Variants in NUP210 observed in about 807,000 individuals in gnomAD.
NUP210 encodes nucleoporin 210, also known as nuclear pore membrane glycoprotein 210.
Under a neutral mutation model 196.0 loss-of-function variants are expected in NUP210, and 151 were observed. The observed-to-expected ratio is 0.77, with a 90% CI of 0.67 to 0.88. The LOEUF (loss-of-function observed/expected upper bound fraction) is 0.88. NUP210 is among the 40% of genes least tolerant of loss of function. NUP210 has a pLI of 0.00. For synonymous variants in NUP210, 1,070 were observed against 1,052.7 expected, an observed-to-expected ratio of 1.02 and a Z score of -0.32; for missense variants, 2,314 against 2,493.7, an observed-to-expected ratio of 0.93 and a Z score of 1.53.
chr3:13,387,897 G>C (rs1175119967), intron 5 of NUP210, among the ~76,000 whole-genome samples: 1 of 152,044 alleles, frequency 6.6e-6, no homozygotes, highest in Non-Finnish European at 1.5e-5. Flanking sequence ...GGCTCCAATG[G>C]GGGCCCAAGG....
intron 6 of NUP210, among the ~76,000 whole-genome samples, chr3:13,380,227 T>A (rs1343412957): frequency 1.3e-5 from 2 of 152,178 alleles, no homozygotes; most frequent in Non-Finnish European, 2.9e-5. Flanking sequence ...AAAAATAACT[T>A]GCCCAACGTG....
chr3:13,409,403 A>G (rs901726771), intron 1 of NUP210, among the ~76,000 whole-genome samples: 2 of 152,188 alleles, frequency 1.3e-5, no homozygotes, highest in Non-Finnish European at 2.9e-5. Flanking sequence ...TCCCACCATG[A>G]GAGGATGTCA....
At chr3:13,322,416 C>T in intron 34 of NUP210, 77 bp from the exon 35 acceptor site, 1 of 1,525,816 alleles carries the variant, frequency 6.6e-7, no homozygotes, top group Admixed American at 1.9e-5. Flanking sequence ...CCTGCACAGG[C>T]TGGCTGGGCT....
rs1396083184 is a variant in NUP210 at position 13,353,984 on chromosome 3, T to C, written c.2452A>G (p.Ser818Gly). The change falls in exon 17 of 40, where the codon AGC becomes GGC. Residue 818 changes from serine to glycine, a missense_variant. By Grantham distance (56) the Ser-to-Gly change is moderately conservative. Transcript: ENST00000254508. ...QWESTRPVLA[S>G]IEPELPMQLV... ...TGCATGGGCAGCTCAGGCTCGATGC[T>C]GGCCAACACTGGCCTGGTGGACTCC... The C allele has an allele frequency of 6.2e-7, 1 of 1,609,654 alleles. No homozygotes were observed.
intron 1 of NUP210, among the ~76,000 whole-genome samples, chr3:13,409,745 C>A (rs1218608804): frequency 1.3e-5 from 2 of 151,954 alleles, no homozygotes; most frequent in Non-Finnish European, 2.9e-5. Context: ...CACAGGCCTC[C>A]CACCTTTACC....
chr3:13,358,227 G>A lies in NUP210; in HGVS notation c.2323C>T (p.Gln775Ter). 6.2e-7 allele frequency: 1 copy of A among 1,606,156 alleles called. No individual in the cohort carries two copies. The highest frequency in any genetic ancestry group is 1.9e-4 in the Middle Eastern group (1 of 5,326). ...CGAGCATAGCCCACACTCACCACCT[G>A]CTTGTTCTGCTGCAGCAGCGGACAG... ...MSCPLLQQNK[Q>*]VVPVSSHRNP... is the part of the protein sequence containing the mutation. Residue 775 changes from glutamine (Q) to a stop codon, truncating the protein, a stop_gained, in exon 16 of 40, where the codon CAG becomes TAG. Coordinates refer to ENST00000254508, the MANE Select transcript of NUP210 (RefSeq NM_024923.4). LOFTEE classifies it high-confidence loss of function.
At position 13,375,659 on chromosome 3, in the gene NUP210, G is replaced by A. The variant is rs1256091424; in HGVS notation, c.1294-18C>T. ...CCTCCATCCTACAAGGGGTGAGGGTGCCACACGTAACCATGACAACCATGT... is the reference window on the plus strand; with the variant it reads ...CCTCCATCCTACAAGGGGTGAGGGTACCACACGTAACCATGACAACCATGT... On this transcript the variant is annotated intron_variant, in intron 10 of 39. Coordinates refer to ENST00000254508, the MANE Select transcript of NUP210 (RefSeq NM_024923.4). The A allele has an allele frequency of 1.2e-6, 2 of 1,607,280 alleles. No individual in the cohort carries two copies. Among genetic ancestry groups the A allele is most frequent in the East Asian group, 2.2e-5 (1 of 44,700 alleles).
At chr3:13,344,878 T>A (rs1697660165) in intron 20 of NUP210, 3 of 966,844 alleles carry the variant, frequency 3.1e-6, no homozygotes. Context: ...CTCCAAGTCA[T>A]CCTCCAGGCC....
At chr3:13,376,026 C>T (rs1698891974) in intron 10 of NUP210, among the ~76,000 whole-genome samples, 1 of 152,220 alleles carries the variant, frequency 6.6e-6, no homozygotes, top group African/African-American at 2.4e-5. Context: ...CCTGCTGCCC[C>T]TTCCAGGCCA....
At position 13,365,980 on chromosome 3, in the gene NUP210, G is replaced by C. The variant is rs138691070; in HGVS notation, c.1898C>G (p.Ala633Gly). The C allele has an allele frequency of 1.2e-6, 2 of 1,614,202 alleles. No individual in the cohort carries two copies. The highest frequency in any genetic ancestry group is 1.1e-5 in the South Asian group (1 of 91,084). Residue 633 changes from alanine to glycine, a missense_variant, in exon 14 of 40, where the codon GCC (alanine) becomes GGC (glycine). Ala to Gly is a moderately conservative substitution (Grantham distance 60, BLOSUM62 0). Transcript: ENST00000254508. ...CAGGTAGGCAGCAATGGTGATCTTGGCACTCAGGTGGACGTGGCCGTGTCT... is the reference window on the plus strand; with the variant it reads ...CAGGTAGGCAGCAATGGTGATCTTGCCACTCAGGTGGACGTGGCCGTGTCT... ...SYRHGHVHLS[A>G]KITIAAYLPL...
chr3:13,352,059 G>A, intron 19 of NUP210, 21 bp downstream of exon 19: 3 of 1,605,154 alleles, frequency 1.9e-6, no homozygotes, highest in South Asian at 1.1e-5. Context: ...GCCCAGGAAG[G>A]TGGCAGGGCA....
At chr3:13,353,714 G>A (rs572089690) in intron 17 of NUP210, 54 bp from the exon 18 acceptor site, 4 of 1,480,224 alleles carry the variant, frequency 2.7e-6, no homozygotes, top group African/African-American at 1.4e-5. Context: ...CACCACCCCT[G>A]AAGCAGCCCC....
At chr3:13,335,906 G>C (rs1245213721) in intron 27 of NUP210, among the ~76,000 whole-genome samples, 1 of 152,274 alleles carries the variant, frequency 6.6e-6, no homozygotes, top group Non-Finnish European at 1.5e-5. Flanking sequence ...CTTCATGACA[G>C]GATGTCCCTC....
At chr3:13,393,916 T>C (rs9857039) in intron 3 of NUP210, among the ~76,000 whole-genome samples, 41,206 of 152,122 alleles carry the variant, frequency 0.27, 6,088 homozygotes, top group Middle Eastern at 0.34. Context: ...TGTTAGGCAA[T>C]TCAACCTAGC....
intron 32 of NUP210, among the ~76,000 whole-genome samples, chr3:13,326,137 C>T (rs553849644): frequency 6.6e-6 from 1 of 152,370 alleles, no homozygotes; most frequent in South Asian, 2.1e-4. Context: ...ATCAGCTCTC[C>T]TACCCTGCTG....
Position 13,340,267 on chromosome 3 carries a change from T to C in NUP210, c.3260A>G (p.Lys1087Arg). Residue 1087 changes from lysine (K) to arginine (R), a missense_variant, in exon 24 of 40, where the codon AAG becomes AGG. By Grantham distance (26) the Lys-to-Arg change is conservative. Transcript: ENST00000254508. The surrounding 1 kb of genome is among the most constrained non-coding windows in gnomAD (Gnocchi z 4.0). ...VFPPFRLMPR[K>R]VTLLIGATMQ... ...CGTGGCCCCGATAAGCAGTGTCACC[T>C]TCCTGGGCATCAGCCTGAACGGGGG... 6.2e-7 allele frequency: 1 copy of C among 1,613,458 alleles called. No homozygotes were observed. Among genetic ancestry groups the C allele is most frequent in the Non-Finnish European group, 8.5e-7 (1 of 1,180,028 alleles).
rs754819063 is a variant in NUP210 at position 13,388,422 on chromosome 3, G to A, written c.565C>T (p.Pro189Ser). Residue 189 changes from proline (P) to serine (S), a missense_variant, in exon 5 of 40, where the codon CCT becomes TCT. Coordinates refer to ENST00000254508, the MANE Select transcript of NUP210 (RefSeq NM_024923.4). Reference sequence around the variant, plus strand: ...TCCATCTCTGAGATGTAAGAAGGAGGGATGTACGTAGACTCCAAGAAAGTG... The same window carrying A: ...TCCATCTCTGAGATGTAAGAAGGAGAGATGTACGTAGACTCCAAGAAAGTG... ...ILTFLESTYIPPSYISEMEKA... is the reference protein window; with the variant it reads ...ILTFLESTYISPSYISEMEKA... 4 of 1,611,800 alleles carry A rather than the reference G, an allele frequency of 2.5e-6. No individual in the cohort carries two copies. Among genetic ancestry groups the A allele is most frequent in the East Asian group, 2.2e-5 (1 of 44,656 alleles).
rs949424491 is a variant in NUP210, at chr3:13,350,940, A to G, written c.2835+939T>C. 1.3e-5 allele frequency among the ~76,000 whole-genome samples: 2 copies of G among 151,920 alleles called. No homozygotes were observed. Among genetic ancestry groups the G allele is most frequent in the South Asian group, 2.1e-4 (1 of 4,822 alleles). On this transcript the variant is annotated intron_variant, in intron 20 of 39. Coordinates refer to ENST00000254508, the MANE Select transcript of NUP210 (RefSeq NM_024923.4). The surrounding 1 kb of genome is among the most constrained non-coding windows in gnomAD (Gnocchi z 4.1). The stretch of plus-strand genomic sequence containing the variant: ...GTCTCAATCTCCTGACCTTGTGATC[A>G]GCCTGCCTCGGCCTCCCAAAGTGCT...
chr3:13,394,712 C>T (rs975971625), intron 3 of NUP210, among the ~76,000 whole-genome samples: 5 of 152,196 alleles, frequency 3.3e-5, no homozygotes, highest in African/African-American at 1.2e-4. Context: ...CAACCTACTG[C>T]CTGGCATCCA....
Sources: allele counts gnomAD v4.1 joint callset (sites outside exome capture counted in the v4.1 genomes callset), GRCh38; gene constraint gnomAD v4.1.1; non-coding constraint Gnocchi (gnomAD v3.1); transcripts MANE v1.5; gene names NCBI Gene and HGNC (gene_info 2026-07-23, HGNC 2026-07-21).